TBC1D5: variants seen among roughly 807,000 people sequenced by gnomAD.
TBC1D5 encodes TBC1 domain family member 5.
In TBC1D5, 75 loss-of-function variants were observed where a neutral mutation model predicts 100.3. The observed-to-expected ratio is 0.75, with a 90% CI of 0.62 to 0.91. TBC1D5 has a LOEUF of 0.91. Ranked by LOEUF, TBC1D5 falls within the 40% of genes least tolerant of loss-of-function variation. The pLI is 0.00. For synonymous variants in TBC1D5, 323 were observed against 325.6 expected (o/e 0.99, Z 0.09); for missense variants, 910 against 942.4 (o/e 0.97, Z 0.45).
At chr3:17,708,007 T>C (rs73170845) in intron 1 of TBC1D5, among the ~76,000 whole-genome samples, 1 of 152,104 alleles carries the variant, frequency 6.6e-6, no homozygotes, top group Admixed American at 6.5e-5. Context: ...TGAAACCATA[T>C]TTGGTTCACT....
chr3:17,314,603 G>A (rs2084441512), intron 13 of TBC1D5, among the ~76,000 whole-genome samples: 1 of 152,010 alleles, frequency 6.6e-6, no homozygotes, highest in Non-Finnish European at 1.5e-5. Flanking sequence ...CCACCACCTG[G>A]CAGCTTGTTA....
intron 3 of TBC1D5, among the ~76,000 whole-genome samples, chr3:17,487,027 T>C (rs895939551): frequency 3.9e-5 from 6 of 152,232 alleles, no homozygotes; most frequent in Non-Finnish European, 8.8e-5. Flanking sequence ...AACATAGTGA[T>C]AGTTAATTCT....
chr3:17,191,985 T>C (rs2069972647), intron 18 of TBC1D5, among the ~76,000 whole-genome samples: 1 of 152,100 alleles, frequency 6.6e-6, no homozygotes, highest in African/African-American at 2.4e-5. Context: ...ACATACTAAT[T>C]GGGAAAACAG....
chr3:17,406,524 T>C (rs770495630), exon 5 of TBC1D5: 1 of 1,611,032 alleles, frequency 6.2e-7, no homozygotes, highest in South Asian at 1.1e-5. Flanking sequence ...TTCCCATTCT[T>C]TCCTATATGA....
intron 2 of TBC1D5, among the ~76,000 whole-genome samples, chr3:17,532,684 T>C (rs13063016): frequency 4.6e-5 from 7 of 152,062 alleles, no homozygotes; most frequent in African/African-American, 1.7e-4. Flanking sequence ...ATTTCCTTTG[T>C]AGGGACATGG....
At chr3:17,432,840 C>T (rs970706181) in intron 3 of TBC1D5, among the ~76,000 whole-genome samples, 1 of 152,220 alleles carries the variant, frequency 6.6e-6, no homozygotes, top group Non-Finnish European at 1.5e-5. Flanking sequence ...AGCATGACAT[C>T]AGCAAGATGG....
intron 4 of TBC1D5, among the ~76,000 whole-genome samples, chr3:17,413,075 G>T (rs79568123): frequency 1.3e-5 from 2 of 152,296 alleles, no homozygotes; most frequent in East Asian, 1.9e-4. Context: ...AAATGGAATG[G>T]ATTAGCCACC....
intron 1 of TBC1D5, among the ~76,000 whole-genome samples, chr3:17,634,768 G>C (rs908117617): frequency 6.6e-6 from 1 of 151,890 alleles, no homozygotes; most frequent in Non-Finnish European, 1.5e-5. Flanking sequence ...AATATCTGAG[G>C]GGATGGATAC....
intron 13 of TBC1D5, among the ~76,000 whole-genome samples, chr3:17,314,912 C>A (rs2084488367): frequency 6.6e-6 from 1 of 152,184 alleles, no homozygotes; most frequent in Non-Finnish European, 1.5e-5. Context: ...GGTAAAAACA[C>A]AGATTGCTAG....
At chr3:17,667,940 G>C (rs1054704801) in intron 1 of TBC1D5, among the ~76,000 whole-genome samples, 7 of 150,912 alleles carry the variant, frequency 4.6e-5, no homozygotes, top group Non-Finnish European at 8.8e-5. Context: ...TAAGATTAAC[G>C]CATTTAATAA....
At chr3:17,623,318 C>T (rs2062824558) in intron 2 of TBC1D5, among the ~76,000 whole-genome samples, 2 of 152,164 alleles carry the variant, frequency 1.3e-5, no homozygotes, top group South Asian at 2.1e-4. Flanking sequence ...GTGTATAATG[C>T]GTATCAGGAC....
At chr3:17,722,394 T>C (rs956247773) in intron 1 of TBC1D5, among the ~76,000 whole-genome samples, 8 of 152,240 alleles carry the variant, frequency 5.3e-5, no homozygotes, top group African/African-American at 1.4e-4. Flanking sequence ...CTTTCATTTA[T>C]ACCTTATGTA....
chr3:17,676,655 A>C (rs886229876), intron 1 of TBC1D5, among the ~76,000 whole-genome samples: 46 of 152,332 alleles, frequency 3.0e-4, no homozygotes, highest in African/African-American at 9.4e-4. Flanking sequence ...AAACTACTTT[A>C]AAGTTCATAT....
chr3:17,347,894 T>C (rs905640772), intron 13 of TBC1D5, among the ~76,000 whole-genome samples: 6 of 152,098 alleles, frequency 3.9e-5, no homozygotes, highest in African/African-American at 1.4e-4. Flanking sequence ...TTCTTGCTAC[T>C]TGGGAAGCTG....
intron 8 of TBC1D5, among the ~76,000 whole-genome samples, chr3:17,387,639 C>G (rs1333687800): frequency 6.6e-6 from 1 of 151,836 alleles, no homozygotes; most frequent in African/African-American, 2.4e-5. Context: ...CCCTACCACT[C>G]ATTACACTTC....
chr3:17,661,128 T>C (rs2066603105), intron 1 of TBC1D5, among the ~76,000 whole-genome samples: 1 of 152,196 alleles, frequency 6.6e-6, no homozygotes, highest in South Asian at 2.1e-4. Flanking sequence ...TGGGTTAATT[T>C]GTACAAATTT....
At chr3:17,710,630 G>A (rs1021718725) in intron 1 of TBC1D5, among the ~76,000 whole-genome samples, 3 of 151,728 alleles carry the variant, frequency 2.0e-5, no homozygotes, top group Non-Finnish European at 2.9e-5. Context: ...CTTGTTGAAC[G>A]ACTTGATACG....
At chr3:17,291,583 A>G (rs1041881581) in intron 15 of TBC1D5, among the ~76,000 whole-genome samples, 5 of 152,214 alleles carry the variant, frequency 3.3e-5, no homozygotes, top group African/African-American at 1.2e-4. Flanking sequence ...ATGACAATAC[A>G]GTTTGGCTGT....
intron 13 of TBC1D5, among the ~76,000 whole-genome samples, chr3:17,349,562 C>T (rs1224027115): frequency 6.6e-6 from 1 of 152,106 alleles, no homozygotes; most frequent in African/African-American, 2.4e-5. Flanking sequence ...GTACAAGAAG[C>T]TTACAACATT....
Sources: gnomAD v4.1 joint callset for allele counts (sites outside exome capture counted in the v4.1 genomes callset) on GRCh38, gnomAD v4.1.1 for gene constraint, MANE v1.5 for transcripts, NCBI Gene and HGNC (gene_info 2026-07-23, HGNC 2026-07-21) for gene names.